ITGA2: variants seen among roughly 807,000 people sequenced by gnomAD.
ITGA2 encodes the protein integrin alpha-2.
A neutral mutation model predicts 146.3 loss-of-function variants in ITGA2; 101 were observed. The ratio of observed to expected loss-of-function variants is 0.69; its 90% CI spans 0.59 to 0.81. ITGA2 has a LOEUF of 0.81. Ranked by LOEUF, ITGA2 falls within the 40% of genes least tolerant of loss-of-function variation. The pLI is 0.00. For missense variants in ITGA2, 1,281 were observed against 1,402.7 expected, an observed-to-expected ratio of 0.91 and a Z score of 1.39; for synonymous variants, 477 against 487.1, an observed-to-expected ratio of 0.98 and a Z score of 0.27.
At position 53,075,277 on chromosome 5, in the gene ITGA2, T is replaced by C; in HGVS notation, c.2798T>C (p.Leu933Pro). Residue 933 changes from leucine (L) to proline (P), a missense_variant, in exon 23 of 30, where the codon CTG becomes CCG. Physicochemically the swap from Leu to Pro is moderately conservative, Grantham distance 98 (BLOSUM62 -3). Transcript: ENST00000296585. ...TTGGTCAACCTCAAAATTCCTCTCC[T>C]GTATGATGCTGAAATTCACTTAACA... ...DNLVNLKIPLLYDAEIHLTRS... is the reference protein window; with the variant it reads ...DNLVNLKIPLPYDAEIHLTRS... The C allele has an allele frequency of 2.5e-6, 4 of 1,612,700 alleles. No individual in the cohort carries two copies. The highest frequency in any genetic ancestry group is 3.4e-6 in the Non-Finnish European group (4 of 1,179,274).
chr5:53,093,170 A>G lies in ITGA2; in HGVS notation c.*2571A>G, dbSNP rs1297206373. ...ATACTAGCTTTTCAATGTGCTATAC[A>G]AACAATTATAGCACATCCTTCCTTT... On this transcript the variant is annotated 3_prime_UTR_variant, in exon 30 of 30. Coordinates refer to ENST00000296585, the MANE Select transcript of ITGA2 (RefSeq NM_002203.4). The G allele has an allele frequency of 1.3e-5, 2 of 152,186 alleles. No individual in the cohort carries two copies. The highest frequency in any genetic ancestry group is 1.3e-4 in the Admixed American group (2 of 15,280). 9.4% of individuals were successfully genotyped at this position (152,186 alleles called of 1,614,324 possible).
intron 1 of ITGA2, among the ~76,000 whole-genome samples, chr5:53,018,733 G>T (rs924890068): frequency 2.6e-5 from 4 of 152,212 alleles, no homozygotes; most frequent in African/African-American, 7.2e-5. Context: ...TCTTGAAGAG[G>T]TCATGTCTAA....
chr5:53,043,354 A>G (rs1743896788), intron 3 of ITGA2, among the ~76,000 whole-genome samples: 4 of 152,110 alleles, frequency 2.6e-5, no homozygotes, highest in Non-Finnish European at 5.9e-5. Context: ...TATTTTTATT[A>G]TTTTTAAAGC....
At chr5:53,051,253 C>G (rs1211373197) in intron 6 of ITGA2, among the ~76,000 whole-genome samples, 158 bp from the exon 7 acceptor site, 1 of 152,126 alleles carries the variant, frequency 6.6e-6, no homozygotes, top group Non-Finnish European at 1.5e-5. Flanking sequence ...GAAATCATTC[C>G]ATTGAAAGAA....
intron 6 of ITGA2, 39 bp downstream of exon 6, chr5:53,048,809 C>G (rs1287689622): frequency 6.2e-7 from 1 of 1,606,326 alleles, no homozygotes; most frequent in African/African-American, 1.3e-5. Context: ...TTATGGCTTT[C>G]TTTCTGAAAA....
chr5:53,051,731 G>T (rs1833558), intron 7 of ITGA2, among the ~76,000 whole-genome samples, 172 bp downstream of exon 7: 24 of 151,894 alleles, frequency 1.6e-4, no homozygotes, highest in African/African-American at 5.8e-4. Context: ...TGAATACTTT[G>T]AGAAGGCAGC....
intron 1 of ITGA2, among the ~76,000 whole-genome samples, chr5:52,998,057 T>C (rs1741363384): frequency 6.6e-6 from 1 of 152,176 alleles, no homozygotes; most frequent in Non-Finnish European, 1.5e-5. Context: ...AGAAATGCCT[T>C]TATTATTACA....
rs7700416 is a variant in ITGA2 at position 53,093,538 on chromosome 5, C to G, written c.*2939C>G. The G allele has an allele frequency of 2.0e-5, 3 of 152,044 alleles. No homozygotes were observed. The highest frequency in any genetic ancestry group is 1.3e-4 in the Admixed American group (2 of 15,280). The allele number at this position is 152,044 out of a possible 1,614,324, so 9.4% of individuals were successfully genotyped here. ...ACCCGATGCCAGAGCATGCTCCCCC[C>G]GCAGTCATGACAATCAAAAAATGTC... On this transcript the variant is annotated 3_prime_UTR_variant, in exon 30 of 30. Transcript: ENST00000296585.
At chr5:53,063,928 G>T (rs1037714704) in intron 13 of ITGA2, among the ~76,000 whole-genome samples, 1 of 151,646 alleles carries the variant, frequency 6.6e-6, no homozygotes. Context: ...CGTGTCAAAC[G>T]CAGTAAAAAT....
At chr5:53,054,279 C>A (rs963516961) in intron 7 of ITGA2, among the ~76,000 whole-genome samples, 1 of 152,104 alleles carries the variant, frequency 6.6e-6, no homozygotes, top group African/African-American at 2.4e-5. Context: ...AAGGTCTTCT[C>A]ATTTCATTTA....
chr5:53,029,743 C>T (rs1743135383), intron 2 of ITGA2, among the ~76,000 whole-genome samples: 1 of 152,182 alleles, frequency 6.6e-6, no homozygotes, highest in Non-Finnish European at 1.5e-5. Flanking sequence ...GCTGCATTCT[C>T]CACACCCAGA....
chr5:53,080,512 T>TA lies in ITGA2; in HGVS notation c.2932dup (p.Thr978AsnfsTer39), dbSNP rs1423838051. The TA allele has an allele frequency of 1.2e-6, 2 of 1,611,632 alleles. No individual in the cohort carries two copies. Among genetic ancestry groups the TA allele is most frequent in the African/African-American group, 2.7e-5 (2 of 74,800 alleles). ...TGGCACATTTTATTCTCTACATAGGTAACAACAGGAAGTGTTCCAGTAAGC... is the reference window on the plus strand; with the variant it reads ...TGGCACATTTTATTCTCTACATAGGTAAACAACAGGAAGTGTTCCAGTAAGC... On this transcript the variant is annotated frameshift_variant and splice_region_variant, in exon 25 of 30. Transcript: ENST00000296585. LOFTEE classifies it high-confidence loss of function.
chr5:53,066,078 A>T (rs1745137840), intron 15 of ITGA2, 101 bp downstream of exon 15: 1 of 1,104,934 alleles, frequency 9.1e-7, no homozygotes, highest in African/African-American at 1.5e-5. Context: ...CATGCATTCT[A>T]TAAGACTATA....
intron 1 of ITGA2, chr5:52,990,358 T>A (rs997433983): frequency 1.3e-5 from 2 of 152,284 alleles, no homozygotes; most frequent in African/African-American, 4.8e-5. Flanking sequence ...TCTTTTACAC[T>A]AAGAGGAGGA....
Position 53,007,078 on chromosome 5 carries a change from C to T in ITGA2, c.64+17546C>T, listed in dbSNP as rs552279634. On this transcript the variant is annotated intron_variant, in intron 1 of 29. Transcript: ENST00000296585. ...AATTTTAAAAATTCAATGTAGCATG[C>T]TAGAAGAAAAAATGAATTCTCTTGT... Among the ~76,000 whole-genome samples, 5 of 152,098 alleles carry T rather than the reference C, an allele frequency of 3.3e-5. No homozygotes were observed. In the South Asian group the frequency reaches 1.0e-3, roughly 32 times the overall value.
chr5:53,090,410 C>T, intron 29 of ITGA2, 109 bp from the exon 30 acceptor site: 1 of 883,512 alleles, frequency 1.1e-6, no homozygotes, highest in Non-Finnish European at 1.9e-6. Context: ...CCTTCAGAGC[C>T]TCAGGGATTC....
intron 4 of ITGA2, among the ~76,000 whole-genome samples, chr5:53,047,484 A>AG (rs1346125884): frequency 6.6e-6 from 1 of 152,216 alleles, no homozygotes; most frequent in Non-Finnish European, 1.5e-5. Context: ...CAAGAAGACA[A>AG]GTGCCATTCA....
intron 2 of ITGA2, among the ~76,000 whole-genome samples, chr5:53,034,334 C>G (rs1007753637): frequency 7.9e-5 from 12 of 151,934 alleles, no homozygotes; most frequent in African/African-American, 2.9e-4. Flanking sequence ...GACAACCCCC[C>G]AAGAGGCGGA....
chr5:53,024,137 C>T (rs1329636751), intron 1 of ITGA2, among the ~76,000 whole-genome samples: 1 of 152,104 alleles, frequency 6.6e-6, no homozygotes, highest in Non-Finnish European at 1.5e-5. Flanking sequence ...AGACATTTAG[C>T]CTTCATGAGT....
Sources: gnomAD v4.1 joint callset for allele counts (sites outside exome capture counted in the v4.1 genomes callset) on GRCh38, gnomAD v4.1.1 for gene constraint, MANE v1.5 for transcripts, NCBI Gene and HGNC (gene_info 2026-07-23, HGNC 2026-07-21) for gene names.